Variants in PRKD3 observed in about 807,000 individuals in gnomAD.
PRKD3 encodes serine/threonine-protein kinase D3.
In PRKD3, 47 loss-of-function variants were observed where a neutral mutation model predicts 99.2. The ratio of observed to expected loss-of-function variants is 0.47; its 90% CI spans 0.38 to 0.60. The LOEUF (loss-of-function observed/expected upper bound fraction) is 0.60. PRKD3 is among the 20% of genes least tolerant of loss of function. The pLI, the probability that PRKD3 is intolerant of heterozygous loss-of-function variation, is 0.00. For missense variants in PRKD3, 1,019 were observed against 1,088.4 expected (o/e 0.94, Z 0.90); for synonymous variants, 392 against 355.4 (o/e 1.10, Z -1.16).
chr2:37,292,598 G>A (rs1454184781), intron 3 of PRKD3, among the ~76,000 whole-genome samples: 9 of 151,832 alleles, frequency 5.9e-5, no homozygotes, highest in African/African-American at 1.2e-4. Context: ...CGCCCGCCTC[G>A]GCCTCCCAAA....
At chr2:37,282,698 C>T (rs925994515) in intron 6 of PRKD3, 79 bp from the exon 7 acceptor site, 1 of 969,206 alleles carries the variant, frequency 1.0e-6, no homozygotes, top group South Asian at 1.3e-5. Flanking sequence ...CTTTAAATCA[C>T]TCACAAACAG....
In PRKD3 at chr2:37,298,391, A is replaced by C. The variant is rs149529246; in HGVS notation, c.289-5120T>G. ...CTTTTTTTCACTTAGCAATATAGAG[A>C]TCATTCCATTAACAAAGTTATTTTT... On this transcript the variant is annotated intron_variant, in intron 2 of 18. Coordinates refer to ENST00000234179, the MANE Select transcript of PRKD3 (RefSeq NM_005813.6). 2.2e-4 allele frequency among the ~76,000 whole-genome samples: 32 copies of C among 147,378 alleles called. 1 individual carries two copies. Among genetic ancestry groups the C allele is most frequent in the African/African-American group, 7.5e-4 (30 of 39,790 alleles).
chr2:37,259,750 ATGATT>A (rs1668263501), intron 15 of PRKD3, 69 bp from the exon 16 acceptor site: 4 of 1,099,842 alleles, frequency 3.6e-6, no homozygotes, highest in Non-Finnish European at 5.5e-6. Flanking sequence ...GACTCCTTGA[ATGATT>A]TAATTTGAAA....
At chr2:37,280,481 T>C (rs534086436) in intron 7 of PRKD3, among the ~76,000 whole-genome samples, 3 of 152,376 alleles carry the variant, frequency 2.0e-5, no homozygotes, top group African/African-American at 7.2e-5. Context: ...ACCACCATTA[T>C]GGTCAACTGA....
intron 12 of PRKD3, among the ~76,000 whole-genome samples, chr2:37,271,154 T>G (rs1162927741): frequency 6.6e-6 from 1 of 152,190 alleles, no homozygotes; most frequent in Admixed American, 6.5e-5. Flanking sequence ...GTGCCCCAAG[T>G]AGAAAAATAG....
chr2:37,308,872 G>C (rs1286959097), intron 2 of PRKD3, among the ~76,000 whole-genome samples: 3 of 150,360 alleles, frequency 2.0e-5, no homozygotes, highest in Non-Finnish European at 4.4e-5. Context: ...TGACTCCTTT[G>C]GCATACCTAA....
chr2:37,282,256 G>T, intron 7 of PRKD3: 1 of 337,508 alleles, frequency 3.0e-6, no homozygotes, highest in Admixed American at 4.2e-5. Flanking sequence ...GACAAGAGCA[G>T]GGTTTTAAAA....
intron 12 of PRKD3, among the ~76,000 whole-genome samples, chr2:37,271,546 G>A (rs1669264363): frequency 6.6e-6 from 1 of 152,164 alleles, no homozygotes; most frequent in South Asian, 2.1e-4. Flanking sequence ...AACTGTTTGC[G>A]GCCTGTTAGG....
intron 18 of PRKD3, among the ~76,000 whole-genome samples, chr2:37,253,870 T>TA: frequency 6.6e-6 from 1 of 152,316 alleles, no homozygotes; most frequent in South Asian, 2.1e-4. Context: ...CCAAACATTT[T>TA]TAAAAAATCT....
At chr2:37,299,788 A>G (rs1279091588) in intron 2 of PRKD3, among the ~76,000 whole-genome samples, 1 of 152,162 alleles carries the variant, frequency 6.6e-6, no homozygotes, top group Non-Finnish European at 1.5e-5. Context: ...ATGAAAAGAT[A>G]CTCAACATCA....
intron 16 of PRKD3, among the ~76,000 whole-genome samples, chr2:37,257,666 CAA>C (rs1491483662): frequency 1.6e-5 from 1 of 62,402 alleles, no homozygotes; most frequent in African/African-American, 3.9e-5. Flanking sequence ...GACTCTGTCT[CAA>C]AAGAAAAAAA....
chr2:37,308,029 A>G (rs896431345), intron 2 of PRKD3, among the ~76,000 whole-genome samples: 1 of 152,186 alleles, frequency 6.6e-6, no homozygotes, highest in Non-Finnish European at 1.5e-5. Flanking sequence ...ATTTTCCCCC[A>G]ACTTAACACG....
At position 37,272,400 on chromosome 2, in the gene PRKD3, A is replaced by T. The variant is rs1669327547; in HGVS notation, c.1684T>A (p.Cys562Ser). Residue 562 changes from cysteine (C) to serine (S), a missense_variant, in exon 12 of 19, where the codon TGT becomes AGT. Cys to Ser is a moderately radical substitution (Grantham distance 112). Coordinates refer to ENST00000234179, the MANE Select transcript of PRKD3 (RefSeq NM_005813.6). Reference sequence around the variant, plus strand: ...CTTACCACATTCTCCTGAATCTGACAATTAGATACAGAGATACTTGTAGAC... The same window carrying T: ...CTTACCACATTCTCCTGAATCTGACTATTAGATACAGAGATACTTGTAGAC... ...DLSTSISVSN[C>S]QIQENVDIST... is the part of the protein sequence containing the mutation. 7.5e-6 allele frequency: 12 copies of T among 1,607,592 alleles called. No individual in the cohort carries two copies. The highest frequency in any genetic ancestry group is 1.0e-5 in the Non-Finnish European group (12 of 1,178,180).
chr2:37,317,459 A>G (rs1671713926), intron 1 of PRKD3, among the ~76,000 whole-genome samples: 1 of 133,270 alleles, frequency 7.5e-6, no homozygotes, highest in East Asian at 1.9e-4. Flanking sequence ...TTAATCAATG[A>G]AGACCAAACA....
rs536112518 is a variant in PRKD3, at chr2:37,303,458, G to C, written c.289-10187C>G. ...TGCTGTCCATGGATGGCAGACCTAA[G>C]AGAGTATTATATCTTCTGGGGCCTC... On this transcript the variant is annotated intron_variant, in intron 2 of 18. Coordinates refer to ENST00000234179, the MANE Select transcript of PRKD3 (RefSeq NM_005813.6). Among the ~76,000 whole-genome samples the C allele has an allele frequency of 2.0e-5, 3 of 152,216 alleles. No individual in the cohort carries two copies. In the South Asian group the frequency reaches 6.2e-4, roughly 32 times the overall value.
intron 2 of PRKD3, among the ~76,000 whole-genome samples, chr2:37,302,984 C>T (rs1159286973): frequency 6.6e-6 from 1 of 152,124 alleles, no homozygotes; most frequent in Non-Finnish European, 1.5e-5. Flanking sequence ...GTCTTTTTAC[C>T]AATCGAATGT....
chr2:37,267,409 T>C, intron 14 of PRKD3, 21 bp downstream of exon 14: 1 of 1,490,818 alleles, frequency 6.7e-7, no homozygotes, highest in Non-Finnish European at 9.2e-7. Flanking sequence ...AATAAACCAG[T>C]TTTTTATTTT....
intron 7 of PRKD3, among the ~76,000 whole-genome samples, chr2:37,281,380 G>C (rs997006829): frequency 6.6e-6 from 1 of 152,182 alleles, no homozygotes; most frequent in Non-Finnish European, 1.5e-5. Flanking sequence ...GCTCTGTCAA[G>C]GTGTTAATCA....
intron 16 of PRKD3, 82 bp from the exon 17 acceptor site, chr2:37,257,011 ATCATT>A (rs1668007442): frequency 7.1e-7 from 1 of 1,412,950 alleles, no homozygotes; most frequent in Admixed American, 1.8e-5. Flanking sequence ...CACTGTATGT[ATCATT>A]TCAACATACT....
Sources: gnomAD v4.1 joint callset for allele counts (sites outside exome capture counted in the v4.1 genomes callset) on GRCh38, gnomAD v4.1.1 for gene constraint, MANE v1.5 for transcripts, NCBI Gene and HGNC (gene_info 2026-07-23, HGNC 2026-07-21) for gene names.